NRG3: variants seen among roughly 807,000 people sequenced by gnomAD.
NRG3 encodes pro-neuregulin-3, membrane-bound isoform.
NRG3 carries 31 observed loss-of-function variants against 66.9 expected under a neutral mutation model. The ratio of observed to expected loss-of-function variants is 0.46; its 90% CI spans 0.35 to 0.63. NRG3 has a LOEUF of 0.63. Ranked by LOEUF, NRG3 falls within the 20% of genes least tolerant of loss-of-function variation. The pLI is 0.00. For missense variants in NRG3, 910 were observed against 878.9 expected, an observed-to-expected ratio of 1.04 and a Z score of -0.45; for synonymous variants, 393 against 359.4, an observed-to-expected ratio of 1.09 and a Z score of -1.06.
At chr10:82,951,777 A>G (rs1318616556) in intron 5 of NRG3, among the ~76,000 whole-genome samples, 1 of 152,158 alleles carries the variant, frequency 6.6e-6, no homozygotes, top group Non-Finnish European at 1.5e-5. Flanking sequence ...ATGTGCACAC[A>G]TGTGTGCGCG....
intron 2 of NRG3, among the ~76,000 whole-genome samples, chr10:82,636,574 T>C (rs2050211198): frequency 6.6e-6 from 1 of 152,176 alleles, no homozygotes; most frequent in Admixed American, 6.6e-5. Flanking sequence ...GGGTTATCCA[T>C]GTTGCAGCAA....
chr10:82,295,568 C>A (rs2080015059), intron 1 of NRG3, among the ~76,000 whole-genome samples: 1 of 152,094 alleles, frequency 6.6e-6, no homozygotes, highest in African/African-American at 2.4e-5. Context: ...GGAGCTGGGT[C>A]TGCCTAGTTC....
chr10:82,753,147 A>G (rs373187884), intron 3 of NRG3, among the ~76,000 whole-genome samples: 36 of 152,196 alleles, frequency 2.4e-4, no homozygotes, highest in African/African-American at 8.7e-4. Flanking sequence ...CCTCTTTGAC[A>G]TGACGGTTTG....
In NRG3 at chr10:82,358,818, T is replaced by A. The variant is rs772173546; in HGVS notation, c.903T>A (p.Asp301Glu). The change falls in exon 2 of 9, where the codon GAT (aspartate) becomes GAA (glutamate). Residue 301 changes from aspartate to glutamate, a missense_variant. Coordinates refer to ENST00000372141, the MANE Select transcript of NRG3 (RefSeq NM_001010848.4). The part of the protein sequence containing the change: ...RDKDLAYCLN[D>E]GECFVIETLT... ...AGGACCTTGCATACTGTCTCAATGA[T>A]GGCGAGTGCTTTGTGATCGAAACCC... is the stretch of plus-strand genomic sequence containing the variant. 16 of 1,614,046 alleles carry A rather than the reference T, an allele frequency of 9.9e-6. No individual in the cohort carries two copies. Among genetic ancestry groups the A allele is most frequent in the South Asian group, 3.3e-5 (3 of 91,084 alleles).
intron 2 of NRG3, among the ~76,000 whole-genome samples, chr10:82,409,244 C>A (rs114949595): frequency 0.011 from 1,686 of 152,276 alleles, 28 homozygotes; most frequent in African/African-American, 0.037. Context: ...TACAGAAGAA[C>A]ACTTCATTAA....
intron 2 of NRG3, among the ~76,000 whole-genome samples, chr10:82,721,139 T>G: frequency 8.6e-6 from 1 of 116,854 alleles, no homozygotes; most frequent in African/African-American, 3.5e-5. Flanking sequence ...TTTTTTTTTT[T>G]TTTTTTTTTT....
chr10:82,519,456 C>A (rs1377926846), intron 2 of NRG3, among the ~76,000 whole-genome samples: 1 of 152,126 alleles, frequency 6.6e-6, no homozygotes, highest in African/African-American at 2.4e-5. Context: ...GAGGTAAGGG[C>A]AGAGCCTTAT....
intron 2 of NRG3, among the ~76,000 whole-genome samples, chr10:82,490,591 C>A (rs1447785241): frequency 6.6e-6 from 1 of 152,138 alleles, no homozygotes; most frequent in East Asian, 1.9e-4. Context: ...GTATCACCTA[C>A]ATTTCAACAA....
At chr10:82,492,244 A>C (rs886319524) in intron 2 of NRG3, among the ~76,000 whole-genome samples, 2 of 152,212 alleles carry the variant, frequency 1.3e-5, no homozygotes, top group Non-Finnish European at 2.9e-5. Context: ...GACAAATAGC[A>C]TTACATGGTG....
intron 2 of NRG3, among the ~76,000 whole-genome samples, chr10:82,441,329 A>G (rs2090422527): frequency 6.6e-6 from 1 of 152,244 alleles, no homozygotes; most frequent in Non-Finnish European, 1.5e-5. Flanking sequence ...ATGTTTTGGT[A>G]GCAGATTTCT....
At chr10:82,109,862 A>G (rs1416343084) in intron 1 of NRG3, among the ~76,000 whole-genome samples, 1 of 152,178 alleles carries the variant, frequency 6.6e-6, no homozygotes, top group African/African-American at 2.4e-5. Context: ...TTTGACCAAG[A>G]TCGTGCAGCT....
At chr10:82,874,585 T>A (rs1165488886) in intron 4 of NRG3, among the ~76,000 whole-genome samples, 1 of 152,172 alleles carries the variant, frequency 6.6e-6, no homozygotes, top group Non-Finnish European at 1.5e-5. Context: ...CCCTTTGCCA[T>A]GTTAAACTAC....
chr10:82,627,681 G>C (rs1283934821), intron 2 of NRG3, among the ~76,000 whole-genome samples: 1 of 152,074 alleles, frequency 6.6e-6, no homozygotes, highest in Non-Finnish European at 1.5e-5. Context: ...TGCCATTGCA[G>C]TTATTCTAAC....
intron 1 of NRG3, among the ~76,000 whole-genome samples, chr10:82,074,444 T>C (rs1482915819): frequency 1.3e-5 from 2 of 152,228 alleles, no homozygotes; most frequent in Non-Finnish European, 2.9e-5. Flanking sequence ...ATCTCATTTG[T>C]ATTTAAAATA....
chr10:82,309,991 A>G (rs1004130802), intron 1 of NRG3, among the ~76,000 whole-genome samples: 7 of 151,994 alleles, frequency 4.6e-5, no homozygotes, highest in South Asian at 2.1e-4. Flanking sequence ...TATTTCCCCA[A>G]CCACACTCCC....
At chr10:82,822,292 TC>T (rs527498990) in intron 3 of NRG3, among the ~76,000 whole-genome samples, 44 of 152,012 alleles carry the variant, frequency 2.9e-4, no homozygotes, top group Admixed American at 2.7e-3. Flanking sequence ...ACCGGGAAGC[TC>T]CTGCAAGCAG....
intron 3 of NRG3, among the ~76,000 whole-genome samples, chr10:82,853,924 G>A (rs951234672): frequency 6.6e-6 from 1 of 152,130 alleles, no homozygotes; most frequent in Admixed American, 6.5e-5. Context: ...GTATGAAGCT[G>A]GCTGTAGGTT....
chr10:82,948,257 TA>T (rs1849205187), intron 4 of NRG3, among the ~76,000 whole-genome samples: 1 of 152,126 alleles, frequency 6.6e-6, no homozygotes, highest in Non-Finnish European at 1.5e-5. Flanking sequence ...AGAACGCTTT[TA>T]TCTGTTGCAA....
intron 3 of NRG3, among the ~76,000 whole-genome samples, chr10:82,780,784 G>C (rs1048051046): frequency 2.0e-5 from 3 of 152,080 alleles, no homozygotes; most frequent in African/African-American, 7.2e-5. Flanking sequence ...GACCAAAAGT[G>C]CTTCCCCAGG....
Sources: allele counts gnomAD v4.1 joint callset (sites outside exome capture counted in the v4.1 genomes callset), GRCh38; gene constraint gnomAD v4.1.1; transcripts MANE v1.5; gene names NCBI Gene and HGNC (gene_info 2026-07-23, HGNC 2026-07-21).